Variants in SLC43A2 observed in about 807,000 individuals in gnomAD.
The protein encoded by SLC43A2 is solute carrier family 43 member 2.
SLC43A2 carries 38 observed loss-of-function variants against 63.2 expected under a neutral mutation model. That is an observed-to-expected ratio of 0.60 (90% CI 0.46 to 0.79). The LOEUF is 0.79. Ranked by LOEUF, SLC43A2 falls within the 30% of genes least tolerant of loss-of-function variation. The pLI, the probability that SLC43A2 is intolerant of heterozygous loss-of-function variation, is 0.00. For synonymous variants in SLC43A2, 322 were observed against 331.0 expected (o/e 0.97, Z 0.30); for missense variants, 644 against 756.2 (o/e 0.85, Z 1.74).
intron 4 of SLC43A2, 106 bp downstream of exon 4, chr17:1,614,873 G>C (rs1465336335): frequency 8.8e-7 from 1 of 1,137,532 alleles, no homozygotes; most frequent in East Asian, 2.5e-5. Context: ...AACTTGAGCA[G>C]GGAGCAGCAG....
chr17:1,602,302 C>T (rs559602659), intron 5 of SLC43A2, among the ~76,000 whole-genome samples: 10 of 152,242 alleles, frequency 6.6e-5, no homozygotes, highest in African/African-American at 9.6e-5. Context: ...CCACTGCACC[C>T]GGCCAATCTT....
intron 5 of SLC43A2, chr17:1,604,548 C>G: frequency 1.5e-6 from 1 of 654,390 alleles, no homozygotes; most frequent in Admixed American, 2.9e-5. Context: ...CACACTGATG[C>G]TGAACTTAGT....
At chr17:1,608,794 C>A (rs1324675222) in intron 5 of SLC43A2, among the ~76,000 whole-genome samples, 1 of 152,150 alleles carries the variant, frequency 6.6e-6, no homozygotes, top group African/African-American at 2.4e-5. Flanking sequence ...CCTACACACG[C>A]TTTGTTGGCA....
At chr17:1,623,821 C>T (rs1220547857) in intron 2 of SLC43A2, among the ~76,000 whole-genome samples, 1 of 149,446 alleles carries the variant, frequency 6.7e-6, no homozygotes, top group Admixed American at 6.7e-5. Flanking sequence ...CCAGGGTGTA[C>T]CCTCCTCTCC....
Position 1,575,405 on chromosome 17 carries a change from G to A in SLC43A2, c.*199C>T, listed in dbSNP as rs2075907387. The A allele has an allele frequency of 8.8e-6, 6 of 678,678 alleles. No individual in the cohort carries two copies. The highest frequency in any genetic ancestry group is 4.0e-4 in the Middle Eastern group (1 of 2,486). The allele number at this position is 678,678 out of a possible 1,614,324, so 42.0% of individuals were successfully genotyped here. On this transcript the variant is annotated 3_prime_UTR_variant, in exon 14 of 14. Coordinates refer to ENST00000301335, the MANE Select transcript of SLC43A2 (RefSeq NM_152346.3). ...CAAAGTCAGGGCAGCCCCTGCGTTC[G>A]GCAGGAGAAAACGCGCGTGTCCGGG...
intron 9 of SLC43A2, among the ~76,000 whole-genome samples, chr17:1,586,364 G>A (rs1018956858): frequency 4.6e-5 from 7 of 152,106 alleles, no homozygotes; most frequent in South Asian, 2.1e-4. Context: ...CTCCTGTGAC[G>A]GAGGCTAAGT....
chr17:1,569,448 C>T lies in SLC43A2; in HGVS notation c.*6156G>A, dbSNP rs1034925089. The T allele has an allele frequency of 2.6e-5, 4 of 152,256 alleles. No individual in the cohort carries two copies. The highest frequency in any genetic ancestry group is 3.8e-4 in the East Asian group (2 of 5,198). 9.4% of individuals were successfully genotyped at this position (152,256 alleles called of 1,614,324 possible). On this transcript the variant is annotated 3_prime_UTR_variant, in exon 14 of 14. Transcript: ENST00000301335. ...GCCTGGGCGGGGTCTTGGGGCCGCT[C>T]CTGCCCAGGTGTTCTTTCCAGCAAT...
intron 9 of SLC43A2, chr17:1,586,928 T>TGCGC: frequency 8.1e-7 from 1 of 1,232,912 alleles, no homozygotes; most frequent in African/African-American, 1.6e-5. Flanking sequence ...TCCCTGACAA[T>TGCGC]CCCCCCCACC....
At chr17:1,629,164 GCCCCCAGCGGACTC>G (rs1567656220), upstream of SLC43A2, among the ~76,000 whole-genome samples, 5 of 151,888 alleles carry the variant, frequency 3.3e-5, no homozygotes, top group South Asian at 1.0e-3. Context: ...CCGCGTCCCG[GCCCCCAGCGGACTC>G]CCCCCAGAAG....
rs1906639486 is a variant in SLC43A2, at chr17:1,606,644, C to T, written c.501+6551G>A. On this transcript the variant is annotated intron_variant, in intron 5 of 13. Transcript: ENST00000301335. The surrounding 1 kb of genome is among the most constrained non-coding windows in gnomAD (Gnocchi z 4.7). ...GCCTCAGCCGCCGGCCGTGTTTGTGCTCCAGCCGATGAAGCGAGTGCAAAG... is the reference window on the plus strand; with the variant it reads ...GCCTCAGCCGCCGGCCGTGTTTGTGTTCCAGCCGATGAAGCGAGTGCAAAG... Among the ~76,000 whole-genome samples, 1 of 152,230 alleles carries T rather than the reference C, an allele frequency of 6.6e-6. No homozygotes were observed. Among genetic ancestry groups the T allele is most frequent in the Admixed American group, 6.5e-5 (1 of 15,288 alleles).
intron 5 of SLC43A2, among the ~76,000 whole-genome samples, chr17:1,597,794 G>A (rs549785365): frequency 1.7e-4 from 26 of 150,758 alleles, no homozygotes; most frequent in East Asian, 1.2e-3. Context: ...GTGAGACTCC[G>A]TCTCAAAAAG....
At chr17:1,601,792 G>A (rs141780982) in intron 5 of SLC43A2, among the ~76,000 whole-genome samples, 5 of 149,856 alleles carry the variant, frequency 3.3e-5, no homozygotes, top group Middle Eastern at 3.5e-3. Context: ...TACCCCAGGC[G>A]TGTACCACCC....
rs2075965592 is a variant in SLC43A2, at chr17:1,578,393, T to C, written c.1351-70A>G. The C allele has an allele frequency of 2.1e-6, 3 of 1,456,508 alleles. No homozygotes were observed. The highest frequency in any genetic ancestry group is 2.8e-6 in the Non-Finnish European group (3 of 1,055,918). 90.2% of individuals were successfully genotyped at this position (1,456,508 alleles called of 1,614,324 possible). ...CGTCCCCTCAGCCCCCGCCCTCCAA[T>C]TCCTGGGGGCCCTCACCCCAGGGGC... On this transcript the variant is annotated intron_variant, in intron 11 of 13. Transcript: ENST00000301335. This position sits in a 1 kb window ranked among gnomAD's most constrained non-coding sequence, Gnocchi z 6.5.
At position 1,573,593 on chromosome 17, in the gene SLC43A2, C is replaced by T. The variant is rs951590809; in HGVS notation, c.*2011G>A. The T allele has an allele frequency of 2.6e-5, 4 of 152,166 alleles. No individual in the cohort carries two copies. The highest frequency in any genetic ancestry group is 9.7e-5 in the African/African-American group (4 of 41,438). The allele number at this position is 152,166 out of a possible 1,614,324, so 9.4% of individuals were successfully genotyped here. A position where few individuals can be genotyped will look rare whatever the true frequency, so the allele number is the denominator to read the frequency against. Reference sequence around the variant, plus strand: ...ACTAACATCACAAAACGAGTGTTCTCAGGAGTGGGCATGTTTATCTCGTTC... The same window carrying T: ...ACTAACATCACAAAACGAGTGTTCTTAGGAGTGGGCATGTTTATCTCGTTC... On this transcript the variant is annotated 3_prime_UTR_variant, in exon 14 of 14. Coordinates refer to ENST00000301335, the MANE Select transcript of SLC43A2 (RefSeq NM_152346.3).
intron 5 of SLC43A2, among the ~76,000 whole-genome samples, chr17:1,596,214 G>A (rs1027911647): frequency 1.3e-5 from 2 of 152,066 alleles, no homozygotes; most frequent in Non-Finnish European, 2.9e-5. Context: ...CAGCTACTCG[G>A]GAGGCTGAGA....
At chr17:1,584,096 T>C (rs922586128) in intron 10 of SLC43A2, among the ~76,000 whole-genome samples, 4 of 152,090 alleles carry the variant, frequency 2.6e-5, no homozygotes, top group Admixed American at 2.0e-4. Context: ...GGTTTCACCA[T>C]GTTAGCCAGG....
chr17:1,614,431 C>CAAAACAA (rs1351176002), intron 4 of SLC43A2, among the ~76,000 whole-genome samples: 39 of 143,184 alleles, frequency 2.7e-4, no homozygotes, highest in Non-Finnish European at 4.8e-4. Flanking sequence ...CAAAACAAAA[C>CAAAACAA]AACAACAACA....
At chr17:1,614,879 A>G in intron 4 of SLC43A2, 100 bp downstream of exon 4, 1 of 1,191,628 alleles carries the variant, frequency 8.4e-7, no homozygotes, top group Non-Finnish European at 1.2e-6. Context: ...AGCAGGGAGC[A>G]GCAGGCCCAG....
intron 3 of SLC43A2, among the ~76,000 whole-genome samples, chr17:1,615,508 C>A (rs1598487191): frequency 7.4e-6 from 1 of 134,312 alleles, no homozygotes; most frequent in Admixed American, 7.9e-5. Flanking sequence ...GCTTGGGCAA[C>A]AACAGCAAAA....
Sources: gnomAD v4.1 joint callset for allele counts (sites outside exome capture counted in the v4.1 genomes callset) on GRCh38, gnomAD v4.1.1 for gene constraint, Gnocchi (gnomAD v3.1) non-coding constraint, MANE v1.5 for transcripts, NCBI Gene and HGNC (gene_info 2026-07-23, HGNC 2026-07-21) for gene names.